Variants in USH2A observed in about 807,000 individuals in gnomAD.
The protein encoded by USH2A is usherin, also known as Usher syndrome 2A (autosomal recessive, mild).
A neutral mutation model predicts 538.9 loss-of-function variants in USH2A; 443 were observed. That is an observed-to-expected ratio of 0.82 (90% CI 0.76 to 0.89). The LOEUF (loss-of-function observed/expected upper bound fraction) is 0.89, where lower values mean the gene tolerates loss of function less well. USH2A is among the 40% of genes least tolerant of loss of function. USH2A has a pLI of 0.00. For synonymous variants in USH2A, 2,413 were observed against 2,273.5 expected (o/e 1.06, Z -1.75); for missense variants, 6,633 against 6,324.8 (o/e 1.05, Z -1.65).
intron 11 of USH2A, among the ~76,000 whole-genome samples, chr1:216,251,740 C>T (rs2036168019): frequency 6.6e-6 from 1 of 152,018 alleles, no homozygotes; most frequent in African/African-American, 2.4e-5. Flanking sequence ...GCACCCAGCC[C>T]ACCTCTCTAT....
In USH2A at chr1:216,308,361, A is replaced by G. The variant is rs74141552; in HGVS notation, c.1644+13522T>C. ...ACTTACCAGTTCCTGAAATTTCCAG[A>G]TTTTGCCATCTTTGACAACTTGATG... On this transcript the variant is annotated intron_variant, in intron 9 of 71. Transcript: ENST00000307340. Among the ~76,000 whole-genome samples the G allele has an allele frequency of 3.7e-3, 566 of 152,126 alleles. 7 individuals carry two copies. Among genetic ancestry groups the G allele is most frequent in the African/African-American group, 0.012 (511 of 41,500 alleles).
At chr1:215,759,559 T>C in intron 57 of USH2A, 101 bp downstream of exon 57, 1 of 1,432,750 alleles carries the variant, frequency 7.0e-7, no homozygotes, top group African/African-American at 1.4e-5. Flanking sequence ...AGGAAGTTAA[T>C]TAAACAATTT....
chr1:216,220,600 G>GA (rs894669319), intron 14 of USH2A, among the ~76,000 whole-genome samples: 15 of 149,676 alleles, frequency 1.0e-4, no homozygotes, highest in South Asian at 8.4e-4. Context: ...CAAAAATAGA[G>GA]AAAAAAAAGA....
rs1349979187 is a variant in USH2A, at chr1:215,771,458, C to T, written c.10940-4670G>A. ...AGCCGGGCGTAGTGGCGGGCGCCTG[C>T]AGTCCCAGCTACTTGGGAGGCTGAG... is the stretch of plus-strand genomic sequence containing the variant. On this transcript the variant is annotated intron_variant, in intron 55 of 71. Coordinates refer to ENST00000307340, the MANE Select transcript of USH2A (RefSeq NM_206933.4). 1.1e-4 allele frequency among the ~76,000 whole-genome samples: 16 copies of T among 149,284 alleles called. No individual in the cohort carries two copies. The highest frequency in any genetic ancestry group is 2.4e-4 in the African/African-American group (10 of 40,834).
intron 11 of USH2A, among the ~76,000 whole-genome samples, chr1:216,279,497 C>A (rs1471833350): frequency 6.6e-6 from 1 of 152,114 alleles, no homozygotes; most frequent in Non-Finnish European, 1.5e-5. Flanking sequence ...AGTGTTCTAA[C>A]TCCTTGGTTA....
chr1:216,418,704 G>C, intron 2 of USH2A, 25 bp from the exon 3 acceptor site: 1 of 1,612,264 alleles, frequency 6.2e-7, no homozygotes, highest in Non-Finnish European at 8.5e-7. Context: ...GGAAAAGAGA[G>C]AAAAGGTCAG....
chr1:216,096,631 C>A (rs1344631470), intron 22 of USH2A, among the ~76,000 whole-genome samples: 1 of 152,018 alleles, frequency 6.6e-6, no homozygotes, highest in African/African-American at 2.4e-5. Flanking sequence ...GGGGCATGGT[C>A]ATATTTAACT....
chr1:216,394,215 A>G (rs1291255205), intron 3 of USH2A, among the ~76,000 whole-genome samples: 4 of 152,218 alleles, frequency 2.6e-5, no homozygotes, highest in Non-Finnish European at 4.4e-5. Flanking sequence ...GTAATCTGAC[A>G]TTTTGCTGGT....
rs404925 is a variant in USH2A, at chr1:216,247,508, G to T, written c.2168-282C>A. On this transcript the variant is annotated intron_variant, in intron 12 of 71. Transcript: ENST00000307340. ...TGTTGTTTCTGTTACATATGCTGGA[G>T]CTCTTTTTCTCTTTAACAAATCTTA... Among the ~76,000 whole-genome samples the T allele has an allele frequency of 0.25, 37,333 of 152,056 alleles. 4,581 individuals carry two copies. The highest frequency in any genetic ancestry group is 0.27 in the East Asian group (1,418 of 5,172).
chr1:215,658,385 G>C lies in USH2A; in HGVS notation c.14134-7584C>G, dbSNP rs192695645. Among the ~76,000 whole-genome samples, 714 of 151,960 alleles carry C rather than the reference G, an allele frequency of 4.7e-3. 8 individuals carry two copies. The highest frequency in any genetic ancestry group is 0.016 in the African/African-American group (682 of 41,452). On this transcript the variant is annotated intron_variant, in intron 64 of 71. Coordinates refer to ENST00000307340, the MANE Select transcript of USH2A (RefSeq NM_206933.4). Reference sequence around the variant, plus strand: ...TTACACTTTTGTAAGTGTATTCTATGTACTAATTTTGCATTTTTCCTCTCG... The same window carrying C: ...TTACACTTTTGTAAGTGTATTCTATCTACTAATTTTGCATTTTTCCTCTCG...
chr1:216,123,541 G>C (rs980430024), intron 21 of USH2A, among the ~76,000 whole-genome samples: 4 of 151,844 alleles, frequency 2.6e-5, no homozygotes, highest in Non-Finnish European at 4.4e-5. Flanking sequence ...TGTTTTCACT[G>C]TTTCTGTTTT....
At chr1:216,193,883 T>C (rs191139987) in intron 19 of USH2A, among the ~76,000 whole-genome samples, 1 of 152,192 alleles carries the variant, frequency 6.6e-6, no homozygotes, top group East Asian at 1.9e-4. Context: ...ACAAATACTC[T>C]AGGGTACAAA....
chr1:216,337,207 C>T (rs2037990459), intron 4 of USH2A, among the ~76,000 whole-genome samples: 1 of 151,386 alleles, frequency 6.6e-6, no homozygotes, highest in Admixed American at 6.6e-5. Context: ...CTATTGCATA[C>T]TGAGTAGCAG....
intron 19 of USH2A, among the ~76,000 whole-genome samples, chr1:216,190,883 C>A (rs1050151305): frequency 3.9e-5 from 6 of 152,044 alleles, no homozygotes; most frequent in African/African-American, 1.4e-4. Context: ...AAGCATATTA[C>A]TGAGCATCCA....
chr1:215,806,972 A>G (rs1162973124), intron 49 of USH2A, among the ~76,000 whole-genome samples: 1 of 152,024 alleles, frequency 6.6e-6, no homozygotes, highest in Non-Finnish European at 1.5e-5. Context: ...CTGCTTAACC[A>G]TTACCTTACC....
Position 216,248,862 on chromosome 1 carries a change from G to T in USH2A, c.2168-1636C>A, listed in dbSNP as rs373036389. Among the ~76,000 whole-genome samples, 276 of 152,142 alleles carry T rather than the reference G, an allele frequency of 1.8e-3. 1 individual carries two copies. The highest frequency in any genetic ancestry group is 6.2e-3 in the African/African-American group (257 of 41,524). ...GAAGGCCTACAGGGCATCACATTCG[G>T]TGTTAACAAGTACAGGCGAGTTAGC... On this transcript the variant is annotated intron_variant, in intron 12 of 71. Coordinates refer to ENST00000307340, the MANE Select transcript of USH2A (RefSeq NM_206933.4).
intron 11 of USH2A, among the ~76,000 whole-genome samples, chr1:216,258,222 C>G (rs2036295271): frequency 6.6e-6 from 1 of 152,016 alleles, no homozygotes; most frequent in African/African-American, 2.4e-5. Flanking sequence ...GAGTCTTGCT[C>G]TTAAGATTTA....
intron 44 of USH2A, among the ~76,000 whole-genome samples, chr1:215,861,333 C>T (rs1367717947): frequency 6.6e-6 from 1 of 152,180 alleles, no homozygotes. Context: ...CTAATTTCTA[C>T]TTTTAAGGTA....
At chr1:215,793,470 A>AGATGGCTCT (rs1662038912) in intron 50 of USH2A, among the ~76,000 whole-genome samples, 2 of 152,176 alleles carry the variant, frequency 1.3e-5, no homozygotes, top group African/African-American at 4.8e-5. Context: ...CTTCACCAGT[A>AGATGGCTCT]GATGGCTCTG....
Sources: gnomAD v4.1 joint callset for allele counts (sites outside exome capture counted in the v4.1 genomes callset) on GRCh38, gnomAD v4.1.1 for gene constraint, MANE v1.5 for transcripts, NCBI Gene and HGNC (gene_info 2026-07-23, HGNC 2026-07-21) for gene names.